Variants in GFOD1 observed in about 807,000 individuals in gnomAD.
The protein encoded by GFOD1 is Gfo/Idh/MocA-like oxidoreductase domain containing 1, also known as glucose-fructose oxidoreductase domain-containing protein 1.
A neutral mutation model predicts 25.4 loss-of-function variants in GFOD1; 9 were observed. The observed-to-expected ratio is 0.35, with a 90% CI of 0.21 to 0.62. GFOD1 has a LOEUF of 0.62. Ranked by LOEUF, GFOD1 falls within the 20% of genes least tolerant of loss-of-function variation. The pLI is 0.72. For missense variants in GFOD1, 403 were observed against 556.9 expected, an observed-to-expected ratio of 0.72 and a Z score of 2.78; for synonymous variants, 253 against 245.6, an observed-to-expected ratio of 1.03 and a Z score of -0.28.
Position 13,458,254 on chromosome 6 carries a change from A to T in GFOD1, c.253+28384T>A, listed in dbSNP as rs537038805. Among the ~76,000 whole-genome samples the T allele has an allele frequency of 3.5e-4, 53 of 152,100 alleles. No homozygotes were observed. The South Asian group carries it at 0.011, about 32-fold the overall frequency. On this transcript the variant is annotated intron_variant, in intron 1 of 1. Transcript: ENST00000379287. ...TGCCCCAGCCTCCCGAGTAGCTGGG[A>T]TTAAAGGCACCTGCCACCATGCCCA... is the stretch of plus-strand genomic sequence containing the variant.
At chr6:13,389,902 A>G (rs1276168678) in intron 1 of GFOD1, among the ~76,000 whole-genome samples, 4 of 152,206 alleles carry the variant, frequency 2.6e-5, no homozygotes, top group South Asian at 4.2e-4. Context: ...TCCCATGTTT[A>G]CCATGATTTA....
intron 1 of GFOD1, among the ~76,000 whole-genome samples, chr6:13,476,533 CACTT>C (rs745816732): frequency 6.6e-6 from 1 of 152,152 alleles, no homozygotes; most frequent in Non-Finnish European, 1.5e-5. Flanking sequence ...ATAATGGAAT[CACTT>C]ACAATGGGTG....
At chr6:13,469,617 T>C in intron 1 of GFOD1, 2 of 1,110,904 alleles carry the variant, frequency 1.8e-6, no homozygotes, top group Non-Finnish European at 2.2e-6. Context: ...CCATGTACAC[T>C]TGCCAAAATA....
At chr6:13,388,424 A>G (rs997108616) in intron 1 of GFOD1, among the ~76,000 whole-genome samples, 8 of 152,236 alleles carry the variant, frequency 5.3e-5, no homozygotes, top group African/African-American at 1.9e-4. Context: ...TATATAGACC[A>G]ATGGAACAGA....
chr6:13,403,070 G>T (rs1483269046), intron 1 of GFOD1, among the ~76,000 whole-genome samples: 1 of 150,600 alleles, frequency 6.6e-6, no homozygotes, highest in Non-Finnish European at 1.5e-5. Flanking sequence ...AAACCTAAAT[G>T]GTAGGGTTTT....
chr6:13,386,433 G>A (rs1188085445), intron 1 of GFOD1, among the ~76,000 whole-genome samples: 4 of 152,148 alleles, frequency 2.6e-5, no homozygotes, highest in Admixed American at 6.5e-5. Flanking sequence ...CGCGTACTTC[G>A]GAGGACATGC....
chr6:13,435,803 T>C (rs1277551613), intron 1 of GFOD1, among the ~76,000 whole-genome samples: 1 of 152,258 alleles, frequency 6.6e-6, no homozygotes, highest in Non-Finnish European at 1.5e-5. Context: ...TTTGGAAAAG[T>C]TGGGTTTCTT....
At chr6:13,404,650 C>T (rs886183399) in intron 1 of GFOD1, among the ~76,000 whole-genome samples, 2 of 152,188 alleles carry the variant, frequency 1.3e-5, no homozygotes, top group Admixed American at 6.5e-5. Context: ...CTGTTAGCCA[C>T]GTTCTTAGCA....
chr6:13,374,273 T>TTTTGTGTGTG (rs1554199406), intron 1 of GFOD1, among the ~76,000 whole-genome samples: 42 of 134,412 alleles, frequency 3.1e-4, no homozygotes, highest in African/African-American at 1.1e-3. Context: ...TGTTTTTTTT[T>TTTTGTGTGTG]TGTGTGTGTG....
In GFOD1 at chr6:13,361,203, A is replaced by G; in HGVS notation, c.*3540T>C. 2 of 250,696 alleles carry G rather than the reference A, an allele frequency of 8.0e-6. No individual in the cohort carries two copies. Among genetic ancestry groups the G allele is most frequent in the South Asian group, 8.6e-5 (2 of 23,358 alleles). 15.5% of individuals were successfully genotyped at this position (250,696 alleles called of 1,614,324 possible). A position where few individuals can be genotyped will look rare whatever the true frequency, so the allele number is the denominator to read the frequency against. On this transcript the variant is annotated 3_prime_UTR_variant, in exon 2 of 2. Transcript: ENST00000379287. ...CTAAGGGGGGTCTGGGGTGCCCTAC[A>G]ATGCAATTGTCTGTTGAGAGGAGAA...
At chr6:13,444,819 C>T (rs1757978292) in intron 1 of GFOD1, among the ~76,000 whole-genome samples, 1 of 152,132 alleles carries the variant, frequency 6.6e-6, no homozygotes, top group South Asian at 2.1e-4. Flanking sequence ...TGCTTTATTG[C>T]AGTGGCCTGG....
At chr6:13,458,991 T>C (rs947159790) in intron 1 of GFOD1, among the ~76,000 whole-genome samples, 68 of 152,242 alleles carry the variant, frequency 4.5e-4, no homozygotes, top group African/African-American at 1.4e-3. Flanking sequence ...GTGGTTTGAA[T>C]GTTTGTGTGC....
At chr6:13,428,112 T>C (rs1009470321) in intron 1 of GFOD1, among the ~76,000 whole-genome samples, 5 of 152,144 alleles carry the variant, frequency 3.3e-5, no homozygotes, top group African/African-American at 9.7e-5. Flanking sequence ...ACCACAGAGA[T>C]AGGAAAGTCC....
chr6:13,482,540 A>G (rs1357575707), intron 1 of GFOD1, among the ~76,000 whole-genome samples: 2 of 152,096 alleles, frequency 1.3e-5, no homozygotes, highest in Admixed American at 6.6e-5. Context: ...TGAGGTCAAG[A>G]GTTTGAGACC....
intron 1 of GFOD1, among the ~76,000 whole-genome samples, chr6:13,397,105 A>T (rs1785747804): frequency 6.6e-6 from 1 of 152,282 alleles, no homozygotes; most frequent in Admixed American, 6.5e-5. Context: ...GAGCACCCAG[A>T]ACCTTTGCTT....
At chr6:13,373,041 A>AG (rs753057816) in intron 1 of GFOD1, among the ~76,000 whole-genome samples, 1 of 152,218 alleles carries the variant, frequency 6.6e-6, no homozygotes, top group Non-Finnish European at 1.5e-5. Flanking sequence ...CATTTCAAGT[A>AG]GGGAACTCAT....
intron 1 of GFOD1, among the ~76,000 whole-genome samples, chr6:13,436,487 A>G (rs1584650859): frequency 6.6e-6 from 1 of 152,246 alleles, no homozygotes; most frequent in Non-Finnish European, 1.5e-5. Context: ...ACTGTATCTT[A>G]GAGATCTTTC....
rs1384017450 is a variant in GFOD1, at chr6:13,364,928, G to A, written c.988C>T (p.Pro330Ser). 6.2e-7 allele frequency: 1 copy of A among 1,612,356 alleles called. No individual in the cohort carries two copies. The highest frequency in any genetic ancestry group is 8.5e-7 in the Non-Finnish European group (1 of 1,179,966). ...TCGAAGGTGGCGGCCATGGTGAGGG[G>A]CCGCCCATCCCACGTGCGCCGGTCG... ...QDDRRTWDGRPLTMAATFDDC... is the reference protein window; with the variant it reads ...QDDRRTWDGRSLTMAATFDDC... The change falls in exon 2 of 2, where the codon CCC becomes TCC. Residue 330 changes from proline to serine, a missense_variant. By Grantham distance (74) the Pro-to-Ser change is moderately conservative. Coordinates refer to ENST00000379287, the MANE Select transcript of GFOD1 (RefSeq NM_018988.4). This position sits in a 1 kb window ranked among gnomAD's most constrained non-coding sequence, Gnocchi z 4.1.
chr6:13,477,746 G>A (rs1431454437), intron 1 of GFOD1, among the ~76,000 whole-genome samples: 1 of 152,084 alleles, frequency 6.6e-6, no homozygotes, highest in Non-Finnish European at 1.5e-5. Context: ...AATGCCAAAT[G>A]TGTATTTCAC....
Sources: gnomAD v4.1 joint callset for allele counts (sites outside exome capture counted in the v4.1 genomes callset) on GRCh38, gnomAD v4.1.1 for gene constraint, Gnocchi (gnomAD v3.1) non-coding constraint, MANE v1.5 for transcripts, NCBI Gene and HGNC (gene_info 2026-07-23, HGNC 2026-07-21) for gene names.